AGBL2: variants seen among roughly 807,000 people sequenced by gnomAD.
The protein encoded by AGBL2 is cytosolic carboxypeptidase 2.
AGBL2 carries 87 observed loss-of-function variants against 103.0 expected under a neutral mutation model. The observed-to-expected ratio is 0.84, with a 90% CI of 0.71 to 1.01. The LOEUF is 1.01. Among genes scored for constraint, AGBL2 ranks in the 50% least tolerant of loss-of-function variants. The pLI is 0.00. For synonymous variants in AGBL2, 335 were observed against 356.7 expected, an observed-to-expected ratio of 0.94 and a Z score of 0.69; for missense variants, 904 against 1,023.5, an observed-to-expected ratio of 0.88 and a Z score of 1.59.
intron 13 of AGBL2, among the ~76,000 whole-genome samples, chr11:47,679,673 G>C (rs1001047707): frequency 1.4e-5 from 2 of 146,016 alleles, no homozygotes; most frequent in South Asian, 2.2e-4. Context: ...TTTGAGTCTC[G>C]CTCTGTCCCC....
chr11:47,703,166 A>G (rs139177894), intron 7 of AGBL2, among the ~76,000 whole-genome samples: 373 of 152,248 alleles, frequency 2.4e-3, no homozygotes, highest in Middle Eastern at 0.014. Context: ...TGTAAAAACT[A>G]TGTCGTGGTA....
At chr11:47,696,037 G>GAAA (rs71045503) in intron 8 of AGBL2, among the ~76,000 whole-genome samples, 1 of 88,906 alleles carries the variant, frequency 1.1e-5, no homozygotes, top group Non-Finnish European at 2.0e-5. Context: ...AAAAAAAAAA[G>GAAA]AAAAAAAAAA....
At chr11:47,661,495 T>C (rs2097327840) in intron 18 of AGBL2, among the ~76,000 whole-genome samples, 1 of 152,186 alleles carries the variant, frequency 6.6e-6, no homozygotes, top group Non-Finnish European at 1.5e-5. Flanking sequence ...CTTGTCTTCA[T>C]GTCTTTTAAG....
At chr11:47,675,120 T>G (rs2097369997) in intron 14 of AGBL2, among the ~76,000 whole-genome samples, 2 of 151,732 alleles carry the variant, frequency 1.3e-5, no homozygotes, top group South Asian at 4.1e-4. Flanking sequence ...CCTCCCCTAT[T>G]AAAGTTGTAT....
chr11:47,697,077 T>A (rs2153804686), intron 8 of AGBL2, among the ~76,000 whole-genome samples: 1 of 151,632 alleles, frequency 6.6e-6, no homozygotes, highest in East Asian at 1.9e-4. Flanking sequence ...TACAGGGGCA[T>A]GCCACCACAC....
intron 14 of AGBL2, among the ~76,000 whole-genome samples, chr11:47,673,702 G>A (rs2153803065): frequency 6.7e-6 from 1 of 150,184 alleles, no homozygotes; most frequent in East Asian, 2.0e-4. Context: ...ACTGAGGCAG[G>A]AGAATTGCTT....
Position 47,693,660 on chromosome 11 carries a change from G to A in AGBL2, c.695-1404C>T, listed in dbSNP as rs2097456399. Reference sequence around the variant, plus strand: ...TTGAAATCAAGAAATGTGAATCTTCGAATTTTGTACTTCTTTTTTTGTATT... The same window carrying A: ...TTGAAATCAAGAAATGTGAATCTTCAAATTTTGTACTTCTTTTTTTGTATT... On this transcript the variant is annotated intron_variant, in intron 8 of 18. Transcript: ENST00000525123. Among the ~76,000 whole-genome samples, 3 of 152,180 alleles carry A rather than the reference G, an allele frequency of 2.0e-5. No homozygotes were observed. In the South Asian group the frequency reaches 6.2e-4, roughly 32 times the overall value.
At chr11:47,664,647 G>A (rs573942784) in intron 17 of AGBL2, among the ~76,000 whole-genome samples, 2 of 152,066 alleles carry the variant, frequency 1.3e-5, no homozygotes, top group East Asian at 1.9e-4. Flanking sequence ...TCCTGACCTC[G>A]TGATCCGCCT....
At chr11:47,682,214 G>GT in intron 11 of AGBL2, 119 bp from the exon 12 acceptor site, 1 of 1,046,888 alleles carries the variant, frequency 9.6e-7, no homozygotes, top group Non-Finnish European at 1.4e-6. Context: ...CCCAAAGCAT[G>GT]TTCCACAAAA....
In AGBL2 at chr11:47,660,760, T is replaced by G. The variant is rs2097325978; in HGVS notation, c.2536-414A>C. ...TAGTAGAGATGGGGTTTCGCCATTT[T>G]GCCCAGGCTGGTCTCAAACTCCTGA... On this transcript the variant is annotated intron_variant, in intron 18 of 18. Transcript: ENST00000525123. Among the ~76,000 whole-genome samples, 5 of 152,116 alleles carry G rather than the reference T, an allele frequency of 3.3e-5. No homozygotes were observed. In the South Asian group the frequency reaches 1.0e-3, roughly 31 times the overall value.
At chr11:47,662,859 T>TGACCTGACCTGACCTCA (rs2097331666) in intron 18 of AGBL2, among the ~76,000 whole-genome samples, 167 bp downstream of exon 18, 1 of 152,190 alleles carries the variant, frequency 6.6e-6, no homozygotes, top group African/African-American at 2.4e-5. Context: ...CAGTGGTAAC[T>TGACCTGACCTGACCTCA]GTAGCCTGAG....
At chr11:47,686,678 T>C (rs4359164) in intron 10 of AGBL2, among the ~76,000 whole-genome samples, 143,268 of 151,608 alleles carry the variant, frequency 0.94, 68,240 homozygotes, top group East Asian at 1. Context: ...TGTGTGACAC[T>C]GGCCGGGCAC....
At chr11:47,693,994 A>G (rs2153804493) in intron 8 of AGBL2, among the ~76,000 whole-genome samples, 1 of 152,262 alleles carries the variant, frequency 6.6e-6, no homozygotes, top group East Asian at 1.9e-4. Context: ...GTTTGAGACC[A>G]GCCTGGGCAA....
In AGBL2 at chr11:47,690,832, A is replaced by G; in HGVS notation, c.875T>C (p.Leu292Ser). The change falls in exon 10 of 19, where the codon TTG becomes TCG. Residue 292 changes from leucine (L) to serine (S), a missense_variant. Physicochemically the swap from Leu to Ser is moderately radical, Grantham distance 145. Transcript: ENST00000525123. ...TTTGTTAGTGTAGAGGTCAGTTCGC[A>G]AGGTGAGTTCATACTCATAGGTGTC... The part of the protein sequence containing the change: ...RVDTYEYELT[L>S]RTDLYTNKHT... 6.2e-7 allele frequency: 1 copy of G among 1,612,046 alleles called. No individual in the cohort carries two copies. The highest frequency in any genetic ancestry group is 8.5e-7 in the Non-Finnish European group (1 of 1,179,918).
chr11:47,678,652 G>GT (rs2097388121), intron 13 of AGBL2, among the ~76,000 whole-genome samples: 1 of 151,172 alleles, frequency 6.6e-6, no homozygotes, highest in Non-Finnish European at 1.5e-5. Context: ...ATTATTATTA[G>GT]TTTTTTGTTT....
chr11:47,704,760 T>C (rs1217461063), intron 6 of AGBL2, 32 bp from the exon 7 acceptor site: 1 of 1,584,190 alleles, frequency 6.3e-7, no homozygotes. Context: ...AGTGAACATC[T>C]TCCTTTTCCT....
intron 8 of AGBL2, among the ~76,000 whole-genome samples, chr11:47,698,179 T>A (rs1031664495): frequency 3.4e-5 from 5 of 146,294 alleles, no homozygotes; most frequent in African/African-American, 1.3e-4. Flanking sequence ...TTTTTTTTTT[T>A]TTTTTTTTTT....
intron 13 of AGBL2, among the ~76,000 whole-genome samples, chr11:47,679,202 C>T (rs1007282533): frequency 4.6e-5 from 7 of 151,438 alleles, no homozygotes; most frequent in South Asian, 2.1e-4. Flanking sequence ...AGGAGGATCA[C>T]GAGCCCAGGA....
chr11:47,703,120 T>C (rs1048750739), intron 7 of AGBL2, among the ~76,000 whole-genome samples: 7 of 152,040 alleles, frequency 4.6e-5, no homozygotes, highest in Admixed American at 2.0e-4. Flanking sequence ...AAACTCAAAA[T>C]ATAAAATTAA....
Sources: gnomAD v4.1 joint callset for allele counts (sites outside exome capture counted in the v4.1 genomes callset) on GRCh38, gnomAD v4.1.1 for gene constraint, MANE v1.5 for transcripts, NCBI Gene and HGNC (gene_info 2026-07-23, HGNC 2026-07-21) for gene names.